Variants in BEND7 observed in about 807,000 individuals in gnomAD.
The protein encoded by BEND7 is BEN domain containing 7.
BEND7 carries 28 observed loss-of-function variants against 50.9 expected under a neutral mutation model. That is an observed-to-expected ratio of 0.55 (90% confidence interval 0.41 to 0.75). The LOEUF is 0.75. Ranked by LOEUF, BEND7 falls within the 30% of genes least tolerant of loss-of-function variation. BEND7 has a pLI of 0.00. For synonymous variants in BEND7, 170 were observed against 183.9 expected (o/e 0.92, Z 0.61); for missense variants, 477 against 491.3 (o/e 0.97, Z 0.28).
chr10:13,490,332 A>C (rs1436329070), intron 5 of BEND7, among the ~76,000 whole-genome samples: 1 of 152,148 alleles, frequency 6.6e-6, no homozygotes, highest in Non-Finnish European at 1.5e-5. Context: ...GAGGATATGA[A>C]ATTCACTTTT....
chr10:13,491,671 T>C (rs2076674170), intron 5 of BEND7, among the ~76,000 whole-genome samples: 1 of 152,030 alleles, frequency 6.6e-6, no homozygotes, highest in South Asian at 2.1e-4. Flanking sequence ...CCTCCCTTTG[T>C]TAAAAACCCA....
chr10:13,466,337 G>A (rs1403532615), intron 6 of BEND7, among the ~76,000 whole-genome samples: 1 of 151,894 alleles, frequency 6.6e-6, no homozygotes, highest in Admixed American at 6.6e-5. Flanking sequence ...TGAGGTGGGC[G>A]GATCACCTGG....
At chr10:13,494,113 G>C (rs1364009874) in intron 4 of BEND7, among the ~76,000 whole-genome samples, 1 of 152,128 alleles carries the variant, frequency 6.6e-6, no homozygotes, top group Non-Finnish European at 1.5e-5. Context: ...AGAATCACTT[G>C]AGTTTAAAAA....
chr10:13,489,542 G>A (rs1260417519), intron 5 of BEND7, among the ~76,000 whole-genome samples: 4 of 152,154 alleles, frequency 2.6e-5, no homozygotes, highest in South Asian at 4.2e-4. Context: ...CAAAGATGGC[G>A]CATGAATACT....
chr10:13,457,651 T>C (rs547645032), intron 6 of BEND7, among the ~76,000 whole-genome samples: 1 of 152,340 alleles, frequency 6.6e-6, no homozygotes, highest in African/African-American at 2.4e-5. Context: ...AGATGAGGCC[T>C]CAAGGACAAG....
chr10:13,476,030 C>T (rs1197614690), intron 6 of BEND7, among the ~76,000 whole-genome samples: 3 of 152,110 alleles, frequency 2.0e-5, no homozygotes, highest in East Asian at 3.8e-4. Flanking sequence ...ATAAATAAAT[C>T]GATGCAAATT....
intron 6 of BEND7, among the ~76,000 whole-genome samples, chr10:13,458,147 A>T (rs1839428463): frequency 6.6e-6 from 1 of 152,256 alleles, no homozygotes; most frequent in South Asian, 2.1e-4. Context: ...TCCATGAATA[A>T]TGACTTTTCC....
chr10:13,513,220 T>C (rs2078412899), intron 2 of BEND7, among the ~76,000 whole-genome samples: 1 of 152,204 alleles, frequency 6.6e-6, no homozygotes, highest in Non-Finnish European at 1.5e-5. Flanking sequence ...ACCACTGGTG[T>C]GCAAAACATT....
chr10:13,505,770 G>A (rs2077836199), intron 2 of BEND7, among the ~76,000 whole-genome samples: 1 of 152,124 alleles, frequency 6.6e-6, no homozygotes, highest in Non-Finnish European at 1.5e-5. Flanking sequence ...TTGCATGTGT[G>A]CCCATCTATA....
chr10:13,447,299 C>G lies in BEND7; in HGVS notation c.1201G>C (p.Glu401Gln). ...GGTAGAGCAATGCCGTCCAGTCTTTCATCACTGTCCGCGATCTCTGCTGGT... is the reference window on the plus strand; with the variant it reads ...GGTAGAGCAATGCCGTCCAGTCTTTGATCACTGTCCGCGATCTCTGCTGGT... ...KRGSEIADSD[E>Q]RLDGIALPPT... is the part of the protein sequence containing the mutation. Residue 401 changes from glutamate (E) to glutamine (Q), a missense_variant, in exon 8 of 9, where the codon GAA becomes CAA. This residue lies in a region of BEND7 where 64 missense variants were observed against 68.5 expected (regional missense o/e 0.93). Coordinates refer to ENST00000466271, the MANE Select transcript of BEND7 (RefSeq NM_001369863.1). 6.2e-7 allele frequency: 1 copy of G among 1,614,176 alleles called. No homozygotes were observed. Among genetic ancestry groups the G allele is most frequent in the African/African-American group, 1.3e-5 (1 of 75,044 alleles).
chr10:13,529,035 C>A (rs1343812241), upstream of BEND7: 1 of 145,476 alleles, frequency 6.9e-6, no homozygotes, highest in African/African-American at 2.5e-5. Context: ...CCGGCCGGGG[C>A]GCTGACCGCC....
At chr10:13,483,751 C>T (rs2076030693) in intron 5 of BEND7, among the ~76,000 whole-genome samples, 1 of 152,120 alleles carries the variant, frequency 6.6e-6, no homozygotes, top group South Asian at 2.1e-4. Flanking sequence ...CCTATAAAGT[C>T]GAACGTGATA....
At chr10:13,493,441 T>G (rs1178139737) in intron 4 of BEND7, among the ~76,000 whole-genome samples, 11 of 152,220 alleles carry the variant, frequency 7.2e-5, no homozygotes, top group Non-Finnish European at 8.8e-5. Context: ...ATTAGTTACT[T>G]AATTAGGACC....
At chr10:13,504,489 C>A (rs1222838170) in intron 2 of BEND7, among the ~76,000 whole-genome samples, 6 of 151,954 alleles carry the variant, frequency 3.9e-5, no homozygotes, top group Admixed American at 3.3e-4. Context: ...ATAGTGGAAT[C>A]CAAGTTCTTT....
chr10:13,508,239 GACAC>G (rs749351393), intron 2 of BEND7, among the ~76,000 whole-genome samples: 4 of 152,192 alleles, frequency 2.6e-5, no homozygotes, highest in Non-Finnish European at 4.4e-5. Flanking sequence ...GTTTATGAGG[GACAC>G]ACAAGACTGG....
At chr10:13,529,232 G>GGAC (rs1207356933), upstream of BEND7, among the ~76,000 whole-genome samples, 64 of 148,118 alleles carry the variant, frequency 4.3e-4, no homozygotes, top group Middle Eastern at 3.5e-3. Flanking sequence ...CTGCCCCCGG[G>GGAC]GACGACGCCG....
At chr10:13,489,798 T>C (rs183880585) in intron 5 of BEND7, among the ~76,000 whole-genome samples, 1 of 152,268 alleles carries the variant, frequency 6.6e-6, no homozygotes, top group East Asian at 1.9e-4. Flanking sequence ...TGCAGTGAAA[T>C]TGAGGAGGGG....
chr10:13,488,678 G>A (rs929277344), intron 5 of BEND7, among the ~76,000 whole-genome samples: 10 of 152,022 alleles, frequency 6.6e-5, no homozygotes, highest in South Asian at 2.1e-4. Context: ...CAGTAGAGAC[G>A]GGGTTTCACC....
chr10:13,527,351 A>T (rs1042190966), intron 1 of BEND7, among the ~76,000 whole-genome samples: 2 of 152,260 alleles, frequency 1.3e-5, no homozygotes, highest in Admixed American at 6.5e-5. Flanking sequence ...TGGATCTTCA[A>T]AATGCCTATA....
Sources: allele counts gnomAD v4.1 joint callset (sites outside exome capture counted in the v4.1 genomes callset), GRCh38; gene constraint gnomAD v4.1.1; regional missense constraint gnomAD v4.1.1; transcripts MANE v1.5; gene names NCBI Gene and HGNC (gene_info 2026-07-23, HGNC 2026-07-21).